Variants in OTUD7A observed in about 807,000 individuals in gnomAD.
OTUD7A encodes OTU domain-containing protein 7A.
OTUD7A carries 12 observed loss-of-function variants against 65.7 expected under a neutral mutation model. That is an observed-to-expected ratio of 0.18 (90% confidence interval 0.12 to 0.30). The LOEUF (loss-of-function observed/expected upper bound fraction) is 0.30, where lower values mean the gene tolerates loss of function less well. Ranked by LOEUF, OTUD7A falls within the 10% of genes least tolerant of loss-of-function variation. The probability of loss-of-function intolerance (pLI) is 1.00; values close to 1 mark genes in which losing one functional copy is unlikely to be tolerated. For synonymous variants in OTUD7A, 641 were observed against 586.3 expected (o/e 1.09, Z -1.35); for missense variants, 1,148 against 1,304.8 (o/e 0.88, Z 1.85).
chr15:31,516,786 G>A (rs1566897268), intron 8 of OTUD7A, among the ~76,000 whole-genome samples: 3 of 152,130 alleles, frequency 2.0e-5, no homozygotes, highest in Admixed American at 6.5e-5. Context: ...ATTTCTAGTT[G>A]GATCTCTCTG....
chr15:31,593,408 G>A (rs1436621583), intron 3 of OTUD7A, among the ~76,000 whole-genome samples: 1 of 152,168 alleles, frequency 6.6e-6, no homozygotes, highest in Non-Finnish European at 1.5e-5. Context: ...ATAGACACAA[G>A]GCTCTATCTT....
Position 31,818,059 on chromosome 15 carries a change from C to A in OTUD7A, c.-100+52448G>T, listed in dbSNP as rs117181911. On this transcript the variant is annotated intron_variant, in intron 1 of 12. Coordinates refer to ENST00000307050, the MANE Select transcript of OTUD7A (RefSeq NM_001382637.1). The stretch of plus-strand genomic sequence containing the variant: ...ATCCCGTTTGCCCTTCTATCTCCCC[C>A]CAACTGAGGAAACAGCAACAAGGCA... Among the ~76,000 whole-genome samples, 1,224 of 152,300 alleles carry A rather than the reference C, an allele frequency of 8.0e-3. 39 individuals carry two copies. Among genetic ancestry groups the A allele is most frequent in the Admixed American group, 0.059 (908 of 15,288 alleles).
At chr15:31,660,443 A>G (rs1239846443) in intron 1 of OTUD7A, among the ~76,000 whole-genome samples, 2 of 152,256 alleles carry the variant, frequency 1.3e-5, no homozygotes, top group Admixed American at 6.5e-5. Context: ...ATGAAAATTA[A>G]GAAAGCCCAG....
In OTUD7A at chr15:31,578,169, C is replaced by T. The variant is rs563765397; in HGVS notation, c.152-7972G>A. ...TGGGAAGTAGGAGTCAGACAGGCCTCATTATGCCCTCCTCTTTTTTGGAAT... is the reference window on the plus strand; with the variant it reads ...TGGGAAGTAGGAGTCAGACAGGCCTTATTATGCCCTCCTCTTTTTTGGAAT... On this transcript the variant is annotated intron_variant, in intron 3 of 12. Coordinates refer to ENST00000307050, the MANE Select transcript of OTUD7A (RefSeq NM_001382637.1). Among the ~76,000 whole-genome samples the T allele has an allele frequency of 1.6e-4, 24 of 152,270 alleles. No homozygotes were observed. In the South Asian group the frequency reaches 4.1e-3, roughly 26 times the overall value.
chr15:31,760,927 TG>T (rs200191075), intron 1 of OTUD7A, among the ~76,000 whole-genome samples: 33 of 152,042 alleles, frequency 2.2e-4, no homozygotes, highest in African/African-American at 7.0e-4. Context: ...TGGGTTTTTT[TG>T]TTTTTTTGTT....
At chr15:31,741,039 C>T (rs1484656151) in intron 1 of OTUD7A, among the ~76,000 whole-genome samples, 1 of 152,198 alleles carries the variant, frequency 6.6e-6, no homozygotes, top group East Asian at 1.9e-4. Flanking sequence ...CTCTCAAGAG[C>T]TGCAGAATAC....
At chr15:31,713,763 G>A (rs1893510930) in intron 1 of OTUD7A, among the ~76,000 whole-genome samples, 1 of 151,574 alleles carries the variant, frequency 6.6e-6, no homozygotes, top group African/African-American at 2.4e-5. Flanking sequence ...TAAAGGACTG[G>A]TACCCTGAAT....
intron 1 of OTUD7A, among the ~76,000 whole-genome samples, chr15:31,745,373 T>C (rs758371087): frequency 6.6e-6 from 1 of 152,216 alleles, no homozygotes; most frequent in South Asian, 2.1e-4. Context: ...GATGAAGATA[T>C]AGCTCAATAG....
chr15:31,532,775 A>T (rs1887671102), intron 5 of OTUD7A, among the ~76,000 whole-genome samples: 1 of 151,992 alleles, frequency 6.6e-6, no homozygotes, highest in African/African-American at 2.4e-5. Flanking sequence ...TCTACCAAAA[A>T]TACAAAAAAT....
chr15:31,593,818 A>T (rs1889825093), intron 3 of OTUD7A, among the ~76,000 whole-genome samples: 1 of 152,194 alleles, frequency 6.6e-6, no homozygotes, highest in East Asian at 1.9e-4. Context: ...ATTCATTTCT[A>T]CTCAGCCCCA....
At chr15:31,596,359 C>T (rs1358954402) in intron 3 of OTUD7A, among the ~76,000 whole-genome samples, 6 of 152,148 alleles carry the variant, frequency 3.9e-5, no homozygotes, top group East Asian at 1.9e-4. Flanking sequence ...TGTGCGGATG[C>T]GCTGCAGTGA....
At chr15:31,791,850 T>C (rs1363521539) in intron 1 of OTUD7A, among the ~76,000 whole-genome samples, 3 of 152,138 alleles carry the variant, frequency 2.0e-5, no homozygotes, top group Admixed American at 2.0e-4. Flanking sequence ...TGTCATGGAA[T>C]GCAGGGCTCA....
At chr15:31,845,717 C>A (rs1354607051) in intron 1 of OTUD7A, among the ~76,000 whole-genome samples, 3 of 152,260 alleles carry the variant, frequency 2.0e-5, no homozygotes, top group Non-Finnish European at 4.4e-5. Flanking sequence ...CACCCTGTAC[C>A]CTCTACCCAC....
chr15:31,595,859 G>T (rs183742819), intron 3 of OTUD7A, among the ~76,000 whole-genome samples: 2 of 152,110 alleles, frequency 1.3e-5, no homozygotes, highest in Admixed American at 1.3e-4. Flanking sequence ...GGAGGTCACT[G>T]TCAGTGTCCA....
intron 10 of OTUD7A, 102 bp downstream of exon 10, chr15:31,501,588 G>A (rs1025334315): frequency 1.1e-4 from 164 of 1,472,580 alleles, no homozygotes; most frequent in Non-Finnish European, 1.5e-4. Flanking sequence ...TGCTTCTAAG[G>A]GGGGGTCTCC....
In OTUD7A at chr15:31,510,995, T is replaced by TAC. The variant is rs201964760; in HGVS notation, c.894-7178_894-7177insGT. Among the ~76,000 whole-genome samples, 122 of 84,764 alleles carry TAC rather than the reference T, an allele frequency of 1.4e-3. 40 individuals are homozygous for TAC. The highest frequency in any genetic ancestry group is 5.2e-3 in the South Asian group (13 of 2,502). 55.6% of individuals were successfully genotyped at this position (84,764 alleles called of 152,430 possible). A position where few individuals can be genotyped will look rare whatever the true frequency, so the allele number is the denominator to read the frequency against. On this transcript the variant is annotated intron_variant, in intron 8 of 12. Coordinates refer to ENST00000307050, the MANE Select transcript of OTUD7A (RefSeq NM_001382637.1). The stretch of plus-strand genomic sequence containing the variant: ...AACATATGTATATCTATATGTAACA[T>TAC]ATGTATATCTATATGTAACATACAT...
In OTUD7A at chr15:31,476,300, G is replaced by A. The variant is rs2041016844; in HGVS notation, c.*6994C>T. On this transcript the variant is annotated 3_prime_UTR_variant, in exon 13 of 13. Coordinates refer to ENST00000307050, the MANE Select transcript of OTUD7A (RefSeq NM_001382637.1). ...GATCTCCAACACATGCTCATGGTGA[G>A]TTTCCTAGTTTTGGTCCTAAGTTAG... 6.6e-6 allele frequency: 1 copy of A among 152,272 alleles called. No individual in the cohort carries two copies. 9.4% of individuals were successfully genotyped at this position (152,272 alleles called of 1,614,324 possible).
At position 31,511,055 on chromosome 15, in the gene OTUD7A, T is replaced by C. The variant is rs1411127816; in HGVS notation, c.894-7237A>G. The stretch of plus-strand genomic sequence containing the variant: ...TATGTAACATACATGTATATCTATA[T>C]GTAACATACATATATATGTATATCT... On this transcript the variant is annotated intron_variant, in intron 8 of 12. Transcript: ENST00000307050. Among the ~76,000 whole-genome samples the C allele has an allele frequency of 1.8e-4, 17 of 96,072 alleles. 7 individuals carry two copies. In the South Asian group the frequency reaches 2.0e-3, roughly 11 times the overall value. 63.0% of individuals were successfully genotyped at this position (96,072 alleles called of 152,430 possible).
chr15:31,817,257 C>CA (rs1896572683), intron 1 of OTUD7A, among the ~76,000 whole-genome samples: 1 of 142,208 alleles, frequency 7.0e-6, no homozygotes, highest in Non-Finnish European at 1.5e-5. Flanking sequence ...GTTTGTATTA[C>CA]ACCACCCTAG....
Sources: allele counts gnomAD v4.1 joint callset (sites outside exome capture counted in the v4.1 genomes callset), GRCh38; gene constraint gnomAD v4.1.1; transcripts MANE v1.5; gene names NCBI Gene and HGNC (gene_info 2026-07-23, HGNC 2026-07-21).